AEN: variants seen among roughly 807,000 people sequenced by gnomAD.
AEN encodes apoptosis-enhancing nuclease.
AEN carries 21 observed loss-of-function variants against 17.7 expected under a neutral mutation model. That is an observed-to-expected ratio of 1.19 (90% CI 0.84 to 1.71). The LOEUF is 1.71. Ranked by LOEUF, AEN falls within the 40% of genes most tolerant of loss-of-function variation. The pLI, the probability that AEN is intolerant of heterozygous loss-of-function variation, is 0.00. For missense variants in AEN, 462 were observed against 435.9 expected, an observed-to-expected ratio of 1.06 and a Z score of -0.53; for synonymous variants, 190 against 173.0, an observed-to-expected ratio of 1.10 and a Z score of -0.77.
chr15:88,621,995 C>G (rs1405793354), intron 1 of AEN, among the ~76,000 whole-genome samples: 2 of 152,168 alleles, frequency 1.3e-5, no homozygotes, highest in Non-Finnish European at 2.9e-5. Flanking sequence ...ATCTAATTCA[C>G]AGCCCTCGGT....
At chr15:88,614,964 C>T in the AEN span, among the ~76,000 whole-genome samples, 24 of 152,048 alleles carry the variant, frequency 1.6e-4, no homozygotes, top group Non-Finnish European at 2.8e-4. Context: ...CTCGGGTTCA[C>T]GCCATTCTAC....
the AEN span, among the ~76,000 whole-genome samples, chr15:88,611,141 T>TGGA: frequency 2.0e-5 from 3 of 152,180 alleles, no homozygotes; most frequent in Non-Finnish European, 4.4e-5. Context: ...GCCATGCCCA[T>TGGA]AGGCTTCCAG....
Position 88,626,614 on chromosome 15 carries a change from G to C in AEN, c.405G>C (p.Val135=). The C allele has an allele frequency of 1.2e-6, 2 of 1,614,094 alleles. No individual in the cohort carries two copies. The highest frequency in any genetic ancestry group is 2.2e-5 in the South Asian group (2 of 91,088). The part of the protein sequence containing the change: ...RVSELARCSI[V]SYHGNVLYDK... The stretch of plus-strand genomic sequence containing the variant: ...GCGAGCTGGCCCGCTGTTCCATTGT[G>C]AGCTACCATGGCAATGTCCTCTATG... Residue 135 remains valine (V), a synonymous_variant, in exon 2 of 4, where the codon GTG becomes GTC. Coordinates refer to ENST00000332810, the MANE Select transcript of AEN (RefSeq NM_022767.4).
the AEN span, among the ~76,000 whole-genome samples, chr15:88,607,769 A>T: frequency 6.6e-6 from 1 of 152,144 alleles, no homozygotes; most frequent in Admixed American, 6.5e-5. Flanking sequence ...TTTATTCATT[A>T]TAATTTCAGC....
chr15:88,610,480 C>T, the AEN span, among the ~76,000 whole-genome samples: 1 of 152,072 alleles, frequency 6.6e-6, no homozygotes, highest in Non-Finnish European at 1.5e-5. Flanking sequence ...GGGGGAGGAA[C>T]ACCTCTCCCT....
Position 88,631,066 on chromosome 15 carries a change from C to T in AEN, c.*772C>T, listed in dbSNP as rs943697737. On this transcript the variant is annotated 3_prime_UTR_variant, in exon 4 of 4. Coordinates refer to ENST00000332810, the MANE Select transcript of AEN (RefSeq NM_022767.4). ...CAGGTAAGCTTTGGACGAGAACTGG[C>T]ATATTTATTTTGACCCAAATCAGGG... 2 of 453,682 alleles carry T rather than the reference C, an allele frequency of 4.4e-6. No individual in the cohort carries two copies. Among genetic ancestry groups the T allele is most frequent in the African/African-American group, 4.0e-5 (2 of 50,042 alleles). 28.1% of individuals were successfully genotyped at this position (453,682 alleles called of 1,614,324 possible). A position where few individuals can be genotyped will look rare whatever the true frequency, so the allele number is the denominator to read the frequency against.
chr15:88,612,547 G>T, the AEN span, among the ~76,000 whole-genome samples: 1 of 151,870 alleles, frequency 6.6e-6, no homozygotes, highest in African/African-American at 2.4e-5. Context: ...TAGAATTAGT[G>T]ATCAGAAAAA....
the AEN span, among the ~76,000 whole-genome samples, chr15:88,605,873 G>A: frequency 2.0e-5 from 3 of 152,244 alleles, no homozygotes; most frequent in South Asian, 2.1e-4. The surrounding 1 kb of genome is among the most constrained non-coding windows in gnomAD (Gnocchi z 7.6). Context: ...GCCTGCGCAC[G>A]GCTCGGCCTC....
Position 88,631,328 on chromosome 15 carries a change from C to G in AEN, c.*1034C>G, listed in dbSNP as rs115947402. ...TGCCCCCGAACCTGGTCTGATGCCC[C>G]CTCAGCTCTTTGACAATCACTGTGG... On this transcript the variant is annotated 3_prime_UTR_variant, in exon 4 of 4. Transcript: ENST00000332810. 7 of 300,356 alleles carry G rather than the reference C, an allele frequency of 2.3e-5. No homozygotes were observed. The highest frequency in any genetic ancestry group is 1.5e-4 in the African/African-American group (7 of 46,212). The allele number at this position is 300,356 out of a possible 1,614,324, so 18.6% of individuals were successfully genotyped here. A position where few individuals can be genotyped will look rare whatever the true frequency, so the allele number is the denominator to read the frequency against.
the AEN span, among the ~76,000 whole-genome samples, chr15:88,612,853 G>A: frequency 8.6e-3 from 1,302 of 152,054 alleles, 16 homozygotes; most frequent in African/African-American, 0.03. Context: ...TGCCCACCTC[G>A]GTCTCCCAAA....
chr15:88,615,154 G>A, the AEN span, among the ~76,000 whole-genome samples: 6 of 151,990 alleles, frequency 3.9e-5, no homozygotes, highest in South Asian at 1.0e-3. Flanking sequence ...GTGAGCCACC[G>A]CGCCCGGCCT....
the AEN span, among the ~76,000 whole-genome samples, chr15:88,605,602 G>C: frequency 1.3e-5 from 2 of 152,220 alleles, no homozygotes; most frequent in Non-Finnish European, 2.9e-5. This position sits in a 1 kb window ranked among gnomAD's most constrained non-coding sequence, Gnocchi z 7.6. Flanking sequence ...AATAACTCCA[G>C]GGAGGGGAAT....
At chr15:88,619,704 A>G (rs933681442), upstream of AEN, among the ~76,000 whole-genome samples, 2 of 151,940 alleles carry the variant, frequency 1.3e-5, no homozygotes, top group African/African-American at 2.4e-5. Flanking sequence ...AAAAACAAAC[A>G]AAACAAAAAA....
chr15:88,614,368 T>C, the AEN span, among the ~76,000 whole-genome samples: 1 of 151,918 alleles, frequency 6.6e-6, no homozygotes, highest in Non-Finnish European at 1.5e-5. Flanking sequence ...CCCTGGCTAA[T>C]TACAGTATTT....
At chr15:88,612,484 G>C in the AEN span, among the ~76,000 whole-genome samples, 1 of 152,160 alleles carries the variant, frequency 6.6e-6, no homozygotes, top group Non-Finnish European at 1.5e-5. Flanking sequence ...GTGTGGCCAA[G>C]GGAAAAAAGC....
the AEN span, among the ~76,000 whole-genome samples, chr15:88,611,557 C>A: frequency 6.6e-6 from 1 of 151,958 alleles, no homozygotes; most frequent in African/African-American, 2.4e-5. Flanking sequence ...GATTGCACCA[C>A]TGCACTACAG....
chr15:88,622,213 TG>T, intron 1 of AEN, among the ~76,000 whole-genome samples: 1 of 152,190 alleles, frequency 6.6e-6, no homozygotes, highest in East Asian at 1.9e-4. Flanking sequence ...CCTCCCTGCC[TG>T]AAGGCCGGGT....
the AEN span, among the ~76,000 whole-genome samples, chr15:88,612,262 C>A: frequency 6.6e-6 from 1 of 152,212 alleles, no homozygotes; most frequent in African/African-American, 2.4e-5. Context: ...CTCAGGGCCT[C>A]ATTGTCTGTG....
intron 3 of AEN, among the ~76,000 whole-genome samples, chr15:88,629,742 G>C (rs73451735): frequency 0.079 from 12,090 of 152,210 alleles, 564 homozygotes; most frequent in African/African-American, 0.12. Context: ...TCCCCTACTA[G>C]CAGACATAGA....
Sources: gnomAD v4.1 joint callset for allele counts (sites outside exome capture counted in the v4.1 genomes callset) on GRCh38, gnomAD v4.1.1 for gene constraint, Gnocchi (gnomAD v3.1) non-coding constraint, MANE v1.5 for transcripts, NCBI Gene and HGNC (gene_info 2026-07-23, HGNC 2026-07-21) for gene names.